AKAP9: variants seen among roughly 807,000 people sequenced by gnomAD.
AKAP9 encodes the protein A-kinase anchoring protein 9, also known as A-kinase anchor protein 9.
AKAP9 carries 311 observed loss-of-function variants against 488.5 expected under a neutral mutation model. The ratio of observed to expected loss-of-function variants is 0.64; its 90% CI spans 0.58 to 0.70. The LOEUF is 0.70. Among genes scored for constraint, AKAP9 ranks in the 30% least tolerant of loss-of-function variants. The probability of loss-of-function intolerance (pLI) is 0.00; values close to 1 mark genes in which losing one functional copy is unlikely to be tolerated. For synonymous variants in AKAP9, 1,462 were observed against 1,483.5 expected, an observed-to-expected ratio of 0.99 and a Z score of 0.33; for missense variants, 4,215 against 4,374.5, an observed-to-expected ratio of 0.96 and a Z score of 1.03.
At chr7:92,086,822 A>G (rs911936279) in intron 37 of AKAP9, among the ~76,000 whole-genome samples, 9 of 152,084 alleles carry the variant, frequency 5.9e-5, no homozygotes, top group Non-Finnish European at 1.0e-4. Flanking sequence ...ATGTGATTCT[A>G]TTTTAAGACA....
At chr7:92,042,220 G>A (rs770268674) in intron 19 of AKAP9, 34 bp downstream of exon 19, 2 of 1,612,686 alleles carry the variant, frequency 1.2e-6, no homozygotes, top group African/African-American at 2.7e-5. Context: ...AGGAGCAATG[G>A]ATCACCAATT....
chr7:92,019,369 T>C (rs1399869190), intron 12 of AKAP9, among the ~76,000 whole-genome samples: 1 of 151,838 alleles, frequency 6.6e-6, no homozygotes, highest in Non-Finnish European at 1.5e-5. Flanking sequence ...CTCGAACTCT[T>C]GACCTTGTGA....
Position 92,079,637 on chromosome 7 carries a change from C to T in AKAP9, c.7504C>T (p.Leu2502=), listed in dbSNP as rs768353424. The T allele has an allele frequency of 1.9e-6, 3 of 1,613,766 alleles. No individual in the cohort carries two copies. The highest frequency in any genetic ancestry group is 2.7e-5 in the African/African-American group (2 of 74,840). The change falls in exon 31 of 50, where the codon CTA becomes TTA. Residue 2502 remains leucine (L), a synonymous_variant. Transcript: ENST00000356239. ...GSIINLETRL[L]QLESTVSAKD... ...CATAATTAATTTGGAAACAAGGTTG[C>T]TACAACTTGAGAGCACTGTTAGTGC...
rs1351311900 is a variant in AKAP9 at position 92,002,106 on chromosome 7, TACTC to T, written c.2191_2194del (p.Leu731AspfsTer24). On this transcript the variant is annotated frameshift_variant, in exon 8 of 50. Transcript: ENST00000356239. LOFTEE classifies it high-confidence loss of function. ...AATGAACTTCAAAAAGAAATTGAAA[TACTC>T]AGACAAGAAGAAAAAGAAAAGGGTA... 15 of 1,592,962 alleles carry T rather than the reference TACTC, an allele frequency of 9.4e-6. No individual in the cohort carries two copies. Among genetic ancestry groups the T allele is most frequent in the South Asian group, 2.3e-5 (2 of 85,258 alleles).
chr7:91,989,091 C>T (rs538727204), intron 3 of AKAP9, among the ~76,000 whole-genome samples: 1 of 152,122 alleles, frequency 6.6e-6, no homozygotes, highest in East Asian at 1.9e-4. Context: ...ACTAGAAATA[C>T]ACTTTTCTTT....
chr7:92,101,325 C>G (rs1009012401), intron 45 of AKAP9, among the ~76,000 whole-genome samples: 2 of 151,922 alleles, frequency 1.3e-5, no homozygotes, highest in African/African-American at 4.8e-5. Context: ...GCCTGTAGTC[C>G]CAGCTACTGT....
chr7:92,067,287 GTC>G (rs1481672326), intron 26 of AKAP9, among the ~76,000 whole-genome samples: 1 of 152,164 alleles, frequency 6.6e-6, no homozygotes, highest in Non-Finnish European at 1.5e-5. Context: ...TGCCTACTCT[GTC>G]TCTGCTTAGA....
At chr7:91,992,550 G>C (rs1797885602) in intron 4 of AKAP9, among the ~76,000 whole-genome samples, 1 of 151,210 alleles carries the variant, frequency 6.6e-6, no homozygotes, top group Non-Finnish European at 1.5e-5. Context: ...TGTAGTCCCA[G>C]CTACTTGGGA....
intron 2 of AKAP9, among the ~76,000 whole-genome samples, chr7:91,977,863 T>C (rs982196770): frequency 6.6e-6 from 1 of 152,226 alleles, no homozygotes; most frequent in African/African-American, 2.4e-5. Flanking sequence ...TTATTCACCA[T>C]TTAATTCTCA....
Position 92,020,533 on chromosome 7 carries a change from T to C in AKAP9, c.3838-1705T>C, listed in dbSNP as rs150546845. Among the ~76,000 whole-genome samples, 367 of 152,358 alleles carry C rather than the reference T, an allele frequency of 2.4e-3. 3 individuals carry two copies. The highest frequency in any genetic ancestry group is 8.4e-3 in the African/African-American group (350 of 41,576). On this transcript the variant is annotated intron_variant, in intron 12 of 49. Transcript: ENST00000356239. ...CTTTAAATACTTGATTACCCTTCTG[T>C]CCTTCTTCCATGTTCCTGTAGCTCC...
intron 48 of AKAP9, 79 bp from the exon 49 acceptor site, chr7:92,108,415 A>T (rs1751916652): frequency 6.9e-7 from 1 of 1,446,356 alleles, no homozygotes; most frequent in African/African-American, 1.4e-5. Flanking sequence ...CTTTTTGGGG[A>T]AGGGAGTGGA....
chr7:91,967,858 G>A (rs944394711), intron 1 of AKAP9, among the ~76,000 whole-genome samples: 1 of 152,124 alleles, frequency 6.6e-6, no homozygotes, highest in African/African-American at 2.4e-5. Context: ...TTTTTGAAGA[G>A]TTTGAGTATA....
Position 92,089,468 on chromosome 7 carries a change from A to G in AKAP9, c.9297A>G (p.Ala3099=), listed in dbSNP as rs1381896726. ...SLLSEIQALH[A]QMNGRKITLK... is the part of the protein sequence containing the mutation. Reference sequence around the variant, plus strand: ...TATCTGAAATTCAGGCACTGCATGCACAAATGAATGGTAGGAAAATTACTC... The same window carrying G: ...TATCTGAAATTCAGGCACTGCATGCGCAAATGAATGGTAGGAAAATTACTC... Residue 3099 remains alanine (A), a synonymous_variant, in exon 38 of 50, where the codon GCA becomes GCG. Coordinates refer to ENST00000356239, the MANE Select transcript of AKAP9 (RefSeq NM_005751.5). 6.2e-7 allele frequency: 1 copy of G among 1,613,368 alleles called. No individual in the cohort carries two copies. Among genetic ancestry groups the G allele is most frequent in the Non-Finnish European group, 8.5e-7 (1 of 1,179,768 alleles).
chr7:92,092,518 T>C (rs370052660), intron 38 of AKAP9: 1 of 150,048 alleles, frequency 6.7e-6, no homozygotes, highest in Non-Finnish European at 1.5e-5. Context: ...TTTTTTTTTT[T>C]AATTTTAAGT....
rs1156255859 is a variant in AKAP9, at chr7:91,941,194, A to G, written c.48+47A>G. 5.7e-6 allele frequency: 9 copies of G among 1,580,298 alleles called. 1 individual carries two copies. In the South Asian group the frequency reaches 1.0e-4, roughly 17 times the overall value. On this transcript the variant is annotated intron_variant, in intron 1 of 49. Coordinates refer to ENST00000356239, the MANE Select transcript of AKAP9 (RefSeq NM_005751.5). Reference sequence around the variant, plus strand: ...GGGCCTGCGGTGGGAGGCGGTGGCTAGCACGGGGTGGGAGGGGGCCTGGGA... The same window carrying G: ...GGGCCTGCGGTGGGAGGCGGTGGCTGGCACGGGGTGGGAGGGGGCCTGGGA...
At chr7:92,095,300 C>T (rs956034790) in intron 40 of AKAP9, 127 bp downstream of exon 40, 3 of 1,017,042 alleles carry the variant, frequency 2.9e-6, no homozygotes, top group South Asian at 2.9e-5. Flanking sequence ...GTTCACTGTG[C>T]ATTGAATACT....
At chr7:92,082,475 A>G (rs369333589) in intron 31 of AKAP9, 47 bp from the exon 32 acceptor site, 2 of 1,590,138 alleles carry the variant, frequency 1.3e-6, no homozygotes, top group African/African-American at 1.3e-5. Flanking sequence ...GAATTTAGCT[A>G]TATTTTTTTT....
intron 23 of AKAP9, among the ~76,000 whole-genome samples, chr7:92,061,796 T>TACATAG (rs1488567603): frequency 2.6e-5 from 4 of 151,800 alleles, no homozygotes; most frequent in African/African-American, 9.7e-5. Context: ...CAAATACCAT[T>TACATAG]ACATAGTGAT....
Position 92,002,772 on chromosome 7 carries a change from A to T in AKAP9, c.2855A>T (p.Lys952Ile), listed in dbSNP as rs749449719. 3 of 1,613,632 alleles carry T rather than the reference A, an allele frequency of 1.9e-6. No individual in the cohort carries two copies. The highest frequency in any genetic ancestry group is 2.2e-5 in the East Asian group (1 of 44,860). Residue 952 changes from lysine (K) to isoleucine (I), a missense_variant, in exon 8 of 50, where the codon AAA becomes ATA. By Grantham distance (102) the Lys-to-Ile change is moderately radical. Coordinates refer to ENST00000356239, the MANE Select transcript of AKAP9 (RefSeq NM_005751.5). ...AAACTTGAGGTAACCAAGCGAGAGA[A>T]ATTAGAGCTGTCACAGAGACTGTCT... is the stretch of plus-strand genomic sequence containing the variant. ...MEKLEVTKRE[K>I]LELSQRLSDL...
Sources: gnomAD v4.1 joint callset for allele counts (sites outside exome capture counted in the v4.1 genomes callset) on GRCh38, gnomAD v4.1.1 for gene constraint, MANE v1.5 for transcripts, NCBI Gene and HGNC (gene_info 2026-07-23, HGNC 2026-07-21) for gene names.